The following IBA57 variants were observed in gnomAD, a reference collection of about 807,000 sequenced individuals.
IBA57 encodes the protein iron-sulfur cluster assembly factor IBA57, also known as iron-sulfur cluster assembly factor IBA57, mitochondrial.
In IBA57, 20 loss-of-function variants were observed where a neutral mutation model predicts 20.4. The ratio of observed to expected loss-of-function variants is 0.98; its 90% CI spans 0.69 to 1.42. The LOEUF (loss-of-function observed/expected upper bound fraction) is 1.42. Among genes scored for constraint, IBA57 ranks in the 40% most tolerant of loss-of-function variants. The pLI, the probability that IBA57 is intolerant of heterozygous loss-of-function variation, is 0.00. For missense variants in IBA57, 608 were observed against 499.3 expected, an observed-to-expected ratio of 1.22 and a Z score of -2.07; for synonymous variants, 310 against 233.9, an observed-to-expected ratio of 1.33 and a Z score of -2.97.
In IBA57 at chr1:228,166,126, G is replaced by T. The variant is rs936626275; in HGVS notation, c.310G>T (p.Gly104Cys). 3 of 1,534,178 alleles carry T rather than the reference G, an allele frequency of 2.0e-6. No homozygotes were observed. The highest frequency in any genetic ancestry group is 2.6e-6 in the Non-Finnish European group (3 of 1,143,012). The change falls in exon 1 of 3, where the codon GGC becomes TGC. Residue 104 changes from glycine (G) to cysteine (C), a missense_variant. Transcript: ENST00000366711. ...AGYAHFLNVQ[G>C]RTLYDVILYG... ...CTACGCCCACTTCCTGAACGTGCAG[G>T]GCCGGACGCTCTATGACGTCATCTT...
At chr1:228,166,221 C>A (rs2034850991) in intron 1 of IBA57, 64 bp downstream of exon 1, 1 of 1,284,372 alleles carries the variant, frequency 7.8e-7, no homozygotes, top group South Asian at 1.8e-5. Context: ...GGACCGGCAC[C>A]CAGGGACAGG....
At position 228,174,849 on chromosome 1, in the gene IBA57, C is replaced by A; in HGVS notation, c.499C>A (p.Pro167Thr). Reference protein sequence around the residue: ...LRVWAVLPSSPEACGAASLQE... With the variant: ...LRVWAVLPSSTEACGAASLQE... ...AGTGTGGGCGGTGTTGCCCAGTTCC[C>A]CTGAGGCCTGCGGGGCTGCATCGCT... The change falls in exon 2 of 3, where the codon CCT becomes ACT. Residue 167 changes from proline (P) to threonine (T), a missense_variant. Transcript: ENST00000366711. 1 of 1,610,424 alleles carries A rather than the reference C, an allele frequency of 6.2e-7. No individual in the cohort carries two copies.
In IBA57 at chr1:228,181,839, C is replaced by A. The variant is rs974036752; in HGVS notation, c.*6326C>A. ...AAATTTTGAACGTCTTGGGTGAACA[C>A]CTTGGTTTGAGAAAAGTAAGAAAAA... On this transcript the variant is annotated 3_prime_UTR_variant, in exon 3 of 3. Transcript: ENST00000366711. 2.0e-5 allele frequency: 3 copies of A among 152,234 alleles called. No homozygotes were observed. The highest frequency in any genetic ancestry group is 2.1e-4 in the South Asian group (1 of 4,832). The allele number at this position is 152,234 out of a possible 1,614,324, so 9.4% of individuals were successfully genotyped here. A position where few individuals can be genotyped will look rare whatever the true frequency, so the allele number is the denominator to read the frequency against.
Position 228,166,155 on chromosome 1 carries a change from C to T in IBA57, c.339C>T (p.Tyr113=), listed in dbSNP as rs376565647. ...GGACGCTCTATGACGTCATCTTGTA[C>T]GGGTGAGCGCGTGCTGGGAGGGCGC... The part of the protein sequence containing the change: ...QGRTLYDVIL[Y]GLQEHSEVSG... The change falls in exon 1 of 3, where the codon TAC becomes TAT. Residue 113 remains tyrosine (Y), a splice_region_variant and synonymous_variant. Transcript: ENST00000366711. 51 of 1,477,722 alleles carry T rather than the reference C, an allele frequency of 3.5e-5. No homozygotes were observed. The African/African-American group carries it at 6.2e-4, about 18-fold the overall frequency. 91.5% of individuals were successfully genotyped at this position (1,477,722 alleles called of 1,614,324 possible).
chr1:228,169,106 G>A (rs1383365017), intron 1 of IBA57, among the ~76,000 whole-genome samples: 1 of 151,938 alleles, frequency 6.6e-6, no homozygotes, highest in Non-Finnish European at 1.5e-5. Context: ...TTTCCTTGTC[G>A]GGCTGCTGTT....
At position 228,170,388 on chromosome 1, in the gene IBA57, A is replaced by G. The variant is rs2034907672; in HGVS notation, c.341+4231A>G. Among the ~76,000 whole-genome samples the G allele has an allele frequency of 6.6e-6, 1 of 152,152 alleles. No individual in the cohort carries two copies. The highest frequency in any genetic ancestry group is 2.1e-4 in the South Asian group (1 of 4,830). On this transcript the variant is annotated intron_variant, in intron 1 of 2. Transcript: ENST00000366711. This position sits in a 1 kb window ranked among gnomAD's most constrained non-coding sequence, Gnocchi z 4.8. ...CGCTCCATTGCCCAGGCTGGAGTGCAGTGGCACAGTTGTAGCTCACTGTAC... is the reference window on the plus strand; with the variant it reads ...CGCTCCATTGCCCAGGCTGGAGTGCGGTGGCACAGTTGTAGCTCACTGTAC...
rs2035091382 is a variant in IBA57 at position 228,180,450 on chromosome 1, C to T, written c.*4937C>T. 1 of 152,148 alleles carries T rather than the reference C, an allele frequency of 6.6e-6. No individual in the cohort carries two copies. The highest frequency in any genetic ancestry group is 1.5e-5 in the Non-Finnish European group (1 of 68,048). The allele number at this position is 152,148 out of a possible 1,614,324, so 9.4% of individuals were successfully genotyped here. A position where few individuals can be genotyped will look rare whatever the true frequency, so the allele number is the denominator to read the frequency against. On this transcript the variant is annotated 3_prime_UTR_variant, in exon 3 of 3. Transcript: ENST00000366711. ...TGAGTTGGGAGAGAGGTGCCCAAAC[C>T]TACAGTGTTCTAAAGTCCCCCTACT...
At chr1:228,166,465 G>C (rs948652279) in intron 1 of IBA57, among the ~76,000 whole-genome samples, 1 of 152,220 alleles carries the variant, frequency 6.6e-6, no homozygotes, top group Non-Finnish European at 1.5e-5. Flanking sequence ...ACTCATCCAG[G>C]GGAGGCCTGG....
At chr1:228,174,666 A>G (rs781627808) in intron 1 of IBA57, 26 bp from the exon 2 acceptor site, 27 of 1,500,822 alleles carry the variant, frequency 1.8e-5, no homozygotes, top group South Asian at 6.5e-5. Context: ...GTGAGCTGCC[A>G]TGCGCCCCTG....
Position 228,174,704 on chromosome 1 carries a change from C to G in IBA57, c.354C>G (p.His118Gln). Reference sequence around the variant, plus strand: ...TCTCTCCCTGCAGGCTCCAGGAACACTCGGAGGTGTCTGGCTTCCTTCTGG... The same window carrying G: ...TCTCTCCCTGCAGGCTCCAGGAACAGTCGGAGGTGTCTGGCTTCCTTCTGG... The part of the protein sequence containing the change: ...YDVILYGLQE[H>Q]SEVSGFLLEC... Residue 118 changes from histidine to glutamine, a missense_variant, in exon 2 of 3, where the codon CAC (histidine) becomes CAG (glutamine). By Grantham distance (24) the His-to-Gln change is conservative. Transcript: ENST00000366711. The G allele has an allele frequency of 6.4e-7, 1 of 1,571,254 alleles. No individual in the cohort carries two copies. Among genetic ancestry groups the G allele is most frequent in the Non-Finnish European group, 8.6e-7 (1 of 1,161,040 alleles).
rs1334907667 is a variant in IBA57, at chr1:228,177,985, G to A, written c.*2472G>A. ...GCTTTTCCTGTCTGCTTTAGTTTGT[G>A]TTGTAAAAACATAGGAAGTTCGTGT... On this transcript the variant is annotated 3_prime_UTR_variant, in exon 3 of 3. Coordinates refer to ENST00000366711, the MANE Select transcript of IBA57 (RefSeq NM_001010867.4). 6.6e-6 allele frequency: 1 copy of A among 152,210 alleles called. No individual in the cohort carries two copies. The highest frequency in any genetic ancestry group is 2.4e-5 in the African/African-American group (1 of 41,392). The allele number at this position is 152,210 out of a possible 1,614,324, so 9.4% of individuals were successfully genotyped here. A position where few individuals can be genotyped will look rare whatever the true frequency, so the allele number is the denominator to read the frequency against.
chr1:228,166,049 T>G lies in IBA57; in HGVS notation c.233T>G (p.Leu78Arg), dbSNP rs906985575. The change falls in exon 1 of 3, where the codon CTG becomes CGG. Residue 78 changes from leucine (L) to arginine (R), a missense_variant. Coordinates refer to ENST00000366711, the MANE Select transcript of IBA57 (RefSeq NM_001010867.4). The stretch of plus-strand genomic sequence containing the variant: ...CTGCTAGGGCTGCTGACCAATGAAC[T>G]GCCGCTTCCGAGTCCTGCGGCCGCG... ...PFLLGLLTNELPLPSPAAAGA... is the reference protein window; with the variant it reads ...PFLLGLLTNERPLPSPAAAGA... 6.5e-7 allele frequency: 1 copy of G among 1,538,336 alleles called. No individual in the cohort carries two copies. The highest frequency in any genetic ancestry group is 1.4e-5 in the African/African-American group (1 of 72,156).
intron 1 of IBA57, among the ~76,000 whole-genome samples, chr1:228,167,346 C>G (rs1385388289): frequency 7.8e-6 from 1 of 128,888 alleles, no homozygotes; most frequent in Non-Finnish European, 1.6e-5. Context: ...TCCAGGTGGT[C>G]TGGGGCTTCT....
In IBA57 at chr1:228,174,770, C is replaced by A. The variant is rs555630458; in HGVS notation, c.420C>A (p.Leu140=). 6.2e-7 allele frequency: 1 copy of A among 1,610,036 alleles called. No homozygotes were observed. Among genetic ancestry groups the A allele is most frequent in the Non-Finnish European group, 8.5e-7 (1 of 1,179,500 alleles). Reference sequence around the variant, plus strand: ...TGCAGGGCGCGCTGCAGAAGCACCTCGCGCTATACAGGATCCGGCGGAAGG... The same window carrying A: ...TGCAGGGCGCGCTGCAGAAGCACCTAGCGCTATACAGGATCCGGCGGAAGG... The part of the protein sequence containing the change: ...SSVQGALQKH[L]ALYRIRRKVT... The change falls in exon 2 of 3, where the codon CTC becomes CTA. Residue 140 remains leucine, a synonymous_variant. Transcript: ENST00000366711.
rs903071816 is a variant in IBA57 at position 228,173,811 on chromosome 1, C to G, written c.342-881C>G. Reference sequence around the variant, plus strand: ...GTCATTTCTGCCCTAGGCTCTGGGACTACTCCGGATGATGCCCTCGGGCAG... The same window carrying G: ...GTCATTTCTGCCCTAGGCTCTGGGAGTACTCCGGATGATGCCCTCGGGCAG... On this transcript the variant is annotated intron_variant, in intron 1 of 2. Coordinates refer to ENST00000366711, the MANE Select transcript of IBA57 (RefSeq NM_001010867.4). 3.3e-5 allele frequency among the ~76,000 whole-genome samples: 5 copies of G among 152,374 alleles called. No homozygotes were observed. In the East Asian group the frequency reaches 9.6e-4, roughly 29 times the overall value.
rs2035084145 is a variant in IBA57 at position 228,180,127 on chromosome 1, G to A, written c.*4614G>A. The A allele has an allele frequency of 1.7e-5, 2 of 119,010 alleles. No individual in the cohort carries two copies. Among genetic ancestry groups the A allele is most frequent in the African/African-American group, 6.5e-5 (2 of 30,818 alleles). 7.4% of individuals were successfully genotyped at this position (119,010 alleles called of 1,614,324 possible). On this transcript the variant is annotated 3_prime_UTR_variant, in exon 3 of 3. Coordinates refer to ENST00000366711, the MANE Select transcript of IBA57 (RefSeq NM_001010867.4). The stretch of plus-strand genomic sequence containing the variant: ...GCCAAGATTGTGCCATTGCACTCCA[G>A]CCTGGGCAATAGAATGAGACTCTGT...
intron 1 of IBA57, among the ~76,000 whole-genome samples, chr1:228,168,745 C>T (rs1366579705): frequency 6.6e-6 from 1 of 152,196 alleles, no homozygotes; most frequent in Non-Finnish European, 1.5e-5. Context: ...CAGCTCAGCA[C>T]TGAAGGGTGA....
intron 1 of IBA57, chr1:228,172,074 T>C (rs2066237): frequency 0.64 from 84,314 of 132,264 alleles, 24,030 homozygotes; most frequent in South Asian, 0.75. Context: ...CCTTGTTTTT[T>C]TTTTTTGTTG....
intron 1 of IBA57, among the ~76,000 whole-genome samples, chr1:228,167,048 A>G (rs931772662): frequency 4.6e-5 from 7 of 152,228 alleles, no homozygotes; most frequent in Admixed American, 2.0e-4. Flanking sequence ...GTCACCGACA[A>G]TGTTCACATC....
Sources: gnomAD v4.1 joint callset for allele counts (sites outside exome capture counted in the v4.1 genomes callset) on GRCh38, gnomAD v4.1.1 for gene constraint, Gnocchi (gnomAD v3.1) non-coding constraint, MANE v1.5 for transcripts, NCBI Gene and HGNC (gene_info 2026-07-23, HGNC 2026-07-21) for gene names.